The following RABGAP1L variants were observed in gnomAD, a reference collection of about 807,000 sequenced individuals.
RABGAP1L encodes the protein rab GTPase-activating protein 1-like.
RABGAP1L carries 63 observed loss-of-function variants against 137.7 expected under a neutral mutation model. That is an observed-to-expected ratio of 0.46 (90% CI 0.37 to 0.56). RABGAP1L has a LOEUF of 0.56. Ranked by LOEUF, RABGAP1L falls within the 20% of genes least tolerant of loss-of-function variation. RABGAP1L has a pLI of 0.00. For missense variants in RABGAP1L, 1,095 were observed against 1,244.0 expected, an observed-to-expected ratio of 0.88 and a Z score of 1.80; for synonymous variants, 431 against 433.7, an observed-to-expected ratio of 0.99 and a Z score of 0.08.
chr1:174,540,335 TG>T (rs1665273138), intron 13 of RABGAP1L, among the ~76,000 whole-genome samples: 5 of 152,330 alleles, frequency 3.3e-5, no homozygotes, highest in African/African-American at 1.2e-4. Context: ...TTGTTGCCAT[TG>T]TTTTTGGTGT....
intron 7 of RABGAP1L, among the ~76,000 whole-genome samples, chr1:174,257,648 A>G (rs1419532348): frequency 2.0e-5 from 3 of 152,186 alleles, no homozygotes; most frequent in Non-Finnish European, 4.4e-5. Context: ...AGAGCACATT[A>G]TGTCAACTTC....
At chr1:174,585,656 C>G (rs1286641904) in intron 13 of RABGAP1L, among the ~76,000 whole-genome samples, 1 of 152,206 alleles carries the variant, frequency 6.6e-6, no homozygotes, top group Non-Finnish European at 1.5e-5. Context: ...TTTCAGGGCA[C>G]TGTTTCCCTG....
At chr1:174,842,265 G>C (rs1349642163) in intron 19 of RABGAP1L, among the ~76,000 whole-genome samples, 1 of 152,096 alleles carries the variant, frequency 6.6e-6, no homozygotes, top group Non-Finnish European at 1.5e-5. Context: ...GGGCATCTCT[G>C]GGAAGTAGTG....
intron 17 of RABGAP1L, among the ~76,000 whole-genome samples, chr1:174,741,073 T>C (rs1296691122): frequency 2.0e-5 from 3 of 151,638 alleles, no homozygotes; most frequent in Non-Finnish European, 4.4e-5. Flanking sequence ...GTGGGAGCTT[T>C]TTAGTTTAAT....
chr1:174,558,730 A>T (rs1325689545), intron 13 of RABGAP1L, among the ~76,000 whole-genome samples: 1 of 152,204 alleles, frequency 6.6e-6, no homozygotes, highest in Non-Finnish European at 1.5e-5. Context: ...ATGAAAAGTT[A>T]CTAGTACCAT....
intron 1 of RABGAP1L, among the ~76,000 whole-genome samples, chr1:174,206,769 G>A (rs1668532334): frequency 6.6e-6 from 1 of 152,128 alleles, no homozygotes; most frequent in Admixed American, 6.5e-5. Flanking sequence ...ATAGCTTTCA[G>A]TTAGACATTG....
intron 12 of RABGAP1L, among the ~76,000 whole-genome samples, chr1:174,383,964 T>C (rs1476994329): frequency 6.6e-6 from 1 of 152,160 alleles, no homozygotes. Flanking sequence ...AAAGTGAAAT[T>C]AAAACCTGTA....
chr1:174,612,463 T>G (rs1572507515), intron 13 of RABGAP1L, among the ~76,000 whole-genome samples: 2 of 152,348 alleles, frequency 1.3e-5, no homozygotes, highest in East Asian at 3.9e-4. Context: ...TTTGCCAGTA[T>G]TTTATTCAGG....
rs191546215 is a variant in RABGAP1L, at chr1:174,536,197, C to T, written c.1711-101178C>T. Among the ~76,000 whole-genome samples, 151 of 149,282 alleles carry T rather than the reference C, an allele frequency of 1.0e-3. 1 individual carries two copies. The highest frequency in any genetic ancestry group is 3.4e-3 in the Middle Eastern group (1 of 292). On this transcript the variant is annotated intron_variant, in intron 13 of 25. Transcript: ENST00000681986. ...CATTCAAAATGAATAATTCCAGTGT[C>T]AGGGGAAAAAAAAAAACCTCTGGAA...
chr1:174,623,541 C>G (rs1572570412), intron 13 of RABGAP1L, among the ~76,000 whole-genome samples: 1 of 152,276 alleles, frequency 6.6e-6, no homozygotes, highest in Non-Finnish European at 1.5e-5. Flanking sequence ...AGGAGAAGCA[C>G]CAAATATGGA....
intron 19 of RABGAP1L, among the ~76,000 whole-genome samples, chr1:174,939,611 A>G (rs1329059192): frequency 2.0e-5 from 3 of 152,144 alleles, no homozygotes; most frequent in Non-Finnish European, 4.4e-5. Context: ...ATTGCATAGT[A>G]TAAAAGGTCT....
At chr1:174,810,680 C>A (rs555536497) in intron 18 of RABGAP1L, among the ~76,000 whole-genome samples, 2 of 152,310 alleles carry the variant, frequency 1.3e-5, no homozygotes, top group South Asian at 4.1e-4. Context: ...TCTGTGTACT[C>A]ATCTTCCTAA....
intron 14 of RABGAP1L, among the ~76,000 whole-genome samples, chr1:174,674,081 T>C (rs1014259408): frequency 6.6e-6 from 1 of 151,838 alleles, no homozygotes; most frequent in African/African-American, 2.4e-5. Context: ...TTCTTTTTTT[T>C]TTCTTTTTTT....
At chr1:174,309,137 G>T (rs1572016787) in intron 11 of RABGAP1L, among the ~76,000 whole-genome samples, 5 of 151,996 alleles carry the variant, frequency 3.3e-5, no homozygotes, top group Admixed American at 3.3e-4. Context: ...TAGCTAATGG[G>T]ATTTAAATGG....
At chr1:174,848,692 C>T (rs1647537562) in intron 19 of RABGAP1L, among the ~76,000 whole-genome samples, 1 of 145,020 alleles carries the variant, frequency 6.9e-6, no homozygotes, top group South Asian at 2.2e-4. Flanking sequence ...TTTGTCTGTG[C>T]CCTGCCCCCA....
intron 19 of RABGAP1L, among the ~76,000 whole-genome samples, chr1:174,925,354 CAAAAAAAAAAAAAAAA>C (rs545791515): frequency 1.8e-5 from 1 of 54,782 alleles, no homozygotes; most frequent in Admixed American, 2.4e-4. Flanking sequence ...GACTCCGTCT[CAAAAAAAAAAAAAAAA>C]AAAAAAAAAC....
At chr1:174,806,723 A>G (rs1165537483) in intron 18 of RABGAP1L, among the ~76,000 whole-genome samples, 1 of 152,234 alleles carries the variant, frequency 6.6e-6, no homozygotes, top group African/African-American at 2.4e-5. Flanking sequence ...ATTTTCATAA[A>G]CAGCACTACT....
intron 9 of RABGAP1L, among the ~76,000 whole-genome samples, chr1:174,278,231 C>T (rs528596083): frequency 9.9e-5 from 15 of 152,066 alleles, no homozygotes; most frequent in African/African-American, 3.6e-4. Flanking sequence ...GGTGAAACCC[C>T]GTCTGTAGTA....
chr1:174,759,391 T>TA (rs1165606099), intron 18 of RABGAP1L, among the ~76,000 whole-genome samples: 1 of 151,226 alleles, frequency 6.6e-6, no homozygotes, highest in Non-Finnish European at 1.5e-5. Flanking sequence ...GGTCAGGAGT[T>TA]AGAGACCAGC....
Sources: allele counts gnomAD v4.1 joint callset (sites outside exome capture counted in the v4.1 genomes callset), GRCh38; gene constraint gnomAD v4.1.1; transcripts MANE v1.5; gene names NCBI Gene and HGNC (gene_info 2026-07-23, HGNC 2026-07-21).